Variants in NPSR1 observed in about 807,000 individuals in gnomAD.
The protein encoded by NPSR1 is neuropeptide S receptor 1.
In NPSR1, 48 loss-of-function variants were observed where a neutral mutation model predicts 46.9. The observed-to-expected ratio is 1.02, with a 90% CI of 0.81 to 1.30. The LOEUF (loss-of-function observed/expected upper bound fraction) is 1.30, where lower values mean the gene tolerates loss of function less well. Ranked by LOEUF, NPSR1 falls within the 50% of genes most tolerant of loss-of-function variation. NPSR1 has a pLI of 0.00. For synonymous variants in NPSR1, 176 were observed against 168.1 expected, an observed-to-expected ratio of 1.05 and a Z score of -0.36; for missense variants, 450 against 449.5, an observed-to-expected ratio of 1.00 and a Z score of -0.01.
Position 34,730,286 on chromosome 7 carries a change from C to G in NPSR1, c.280+45602C>G, listed in dbSNP as rs541978542. On this transcript the variant is annotated intron_variant, in intron 2 of 8. Coordinates refer to ENST00000360581, the MANE Select transcript of NPSR1 (RefSeq NM_207172.2). ...AATAGAGAAAAAAGGGATCATGTCTCCAGCACATTGATGTTCCTGCTTTTC... is the reference window on the plus strand; with the variant it reads ...AATAGAGAAAAAAGGGATCATGTCTGCAGCACATTGATGTTCCTGCTTTTC... 7.9e-5 allele frequency among the ~76,000 whole-genome samples: 12 copies of G among 152,238 alleles called. No homozygotes were observed. The East Asian group carries it at 2.3e-3, about 29-fold the overall frequency.
intron 1 of NPSR1, among the ~76,000 whole-genome samples, chr7:34,682,153 C>T (rs542257835): frequency 2.2e-4 from 34 of 152,118 alleles, no homozygotes; most frequent in Non-Finnish European, 4.1e-4. Flanking sequence ...GGGGTGCTTC[C>T]CTAGAAGACT....
intron 3 of NPSR1, among the ~76,000 whole-genome samples, chr7:34,788,465 A>G (rs1190742384): frequency 2.6e-5 from 4 of 152,232 alleles, no homozygotes; most frequent in African/African-American, 9.6e-5. Context: ...TAAAAATGGA[A>G]AAAAGATATT....
intron 2 of NPSR1, among the ~76,000 whole-genome samples, chr7:34,699,720 C>G (rs1793723764): frequency 6.6e-6 from 1 of 152,124 alleles, no homozygotes; most frequent in Non-Finnish European, 1.5e-5. Context: ...AGGGCCCCAC[C>G]CTTGTTAACC....
chr7:34,873,660 A>G (rs1447905101), intron 8 of NPSR1, among the ~76,000 whole-genome samples: 6 of 151,828 alleles, frequency 4.0e-5, no homozygotes, highest in South Asian at 2.1e-4. Flanking sequence ...TTCAACAAGC[A>G]GATAGGGCTA....
chr7:34,805,138 CCAAT>C (rs1299643377), intron 3 of NPSR1, among the ~76,000 whole-genome samples: 12 of 151,764 alleles, frequency 7.9e-5, no homozygotes, highest in African/African-American at 1.2e-4. Context: ...CAATACAATT[CCAAT>C]CAAAGTCCCA....
intron 2 of NPSR1, among the ~76,000 whole-genome samples, chr7:34,731,827 G>A (rs1784430170): frequency 6.6e-6 from 1 of 152,098 alleles, no homozygotes; most frequent in East Asian, 1.9e-4. Context: ...CAGATGAATA[G>A]AACGTGTGAA....
At chr7:34,714,662 T>C (rs1013122278) in intron 2 of NPSR1, among the ~76,000 whole-genome samples, 1 of 152,188 alleles carries the variant, frequency 6.6e-6, no homozygotes, top group East Asian at 1.9e-4. Context: ...AGCTCCAAGC[T>C]GGGCTCATTT....
chr7:34,691,888 G>A (rs1793280625), intron 2 of NPSR1, among the ~76,000 whole-genome samples: 1 of 152,176 alleles, frequency 6.6e-6, no homozygotes, highest in Non-Finnish European at 1.5e-5. Context: ...GGCTGAGGTG[G>A]TAGGATTGTT....
chr7:34,766,650 G>C (rs1376732714), intron 2 of NPSR1, among the ~76,000 whole-genome samples: 2 of 151,678 alleles, frequency 1.3e-5, no homozygotes, highest in Non-Finnish European at 2.9e-5. Context: ...TCAGCTCACT[G>C]CAAGCTCCGC....
chr7:34,707,738 G>T (rs1234673527), intron 2 of NPSR1, among the ~76,000 whole-genome samples: 1 of 152,190 alleles, frequency 6.6e-6, no homozygotes, highest in African/African-American at 2.4e-5. Context: ...GTGGTAGAGG[G>T]CAGAGGAGAA....
chr7:34,799,698 T>C (rs1188574934), intron 3 of NPSR1, among the ~76,000 whole-genome samples: 1 of 141,720 alleles, frequency 7.1e-6, no homozygotes, highest in Non-Finnish European at 1.5e-5. Flanking sequence ...AATGACAGGA[T>C]CAAATTTACA....
chr7:34,833,833 T>C (rs558524839), intron 5 of NPSR1, among the ~76,000 whole-genome samples: 1 of 152,310 alleles, frequency 6.6e-6, no homozygotes, highest in African/African-American at 2.4e-5. Context: ...TCATGGCACC[T>C]TGCTTCTTCA....
At chr7:34,676,028 G>A (rs552047785) in intron 1 of NPSR1, among the ~76,000 whole-genome samples, 1 of 152,214 alleles carries the variant, frequency 6.6e-6, no homozygotes, top group African/African-American at 2.4e-5. Flanking sequence ...TGTGGTGGGG[G>A]GTGGGTAGGG....
At chr7:34,814,801 C>A (rs1444303087) in intron 4 of NPSR1, among the ~76,000 whole-genome samples, 1 of 152,196 alleles carries the variant, frequency 6.6e-6, no homozygotes, top group Non-Finnish European at 1.5e-5. Context: ...CCAGTAAACT[C>A]CAACAGACCT....
chr7:34,849,189 G>A, intron 8 of NPSR1: 1 of 652,942 alleles, frequency 1.5e-6, no homozygotes, highest in Non-Finnish European at 2.7e-6. Flanking sequence ...GATACAAGAG[G>A]AGAATGATTT....
intron 5 of NPSR1, among the ~76,000 whole-genome samples, chr7:34,830,963 A>G (rs1046261635): frequency 3.9e-5 from 6 of 152,066 alleles, no homozygotes; most frequent in African/African-American, 1.2e-4. Flanking sequence ...GCCTTGTTTC[A>G]CCCAACTAGT....
chr7:34,741,199 CT>C (rs1387793373), intron 2 of NPSR1, among the ~76,000 whole-genome samples: 8 of 152,132 alleles, frequency 5.3e-5, no homozygotes, highest in African/African-American at 1.9e-4. Context: ...GTTCATCAGG[CT>C]TTTTGCATGT....
chr7:34,748,288 T>G (rs1785316311), intron 2 of NPSR1, among the ~76,000 whole-genome samples: 1 of 152,220 alleles, frequency 6.6e-6, no homozygotes, highest in Non-Finnish European at 1.5e-5. Context: ...CAAACCTCTG[T>G]GAAGCTGCTA....
At chr7:34,852,886 A>C (rs1260306188), downstream of NPSR1, among the ~76,000 whole-genome samples, 1 of 152,220 alleles carries the variant, frequency 6.6e-6, no homozygotes. Flanking sequence ...TACTATATTC[A>C]GCCATACTAT....
Sources: allele counts gnomAD v4.1 joint callset (sites outside exome capture counted in the v4.1 genomes callset), GRCh38; gene constraint gnomAD v4.1.1; transcripts MANE v1.5; gene names NCBI Gene and HGNC (gene_info 2026-07-23, HGNC 2026-07-21).